The following PDPK1 variants were observed in gnomAD, a reference collection of about 807,000 sequenced individuals.
PDPK1 encodes the protein 3-phosphoinositide-dependent protein kinase 1.
In PDPK1, 7 loss-of-function variants were observed where a neutral mutation model predicts 39.8. The ratio of observed to expected loss-of-function variants is 0.18; its 90% CI spans 0.10 to 0.33. The LOEUF (loss-of-function observed/expected upper bound fraction) is 0.33. Ranked by LOEUF, PDPK1 falls within the 10% of genes least tolerant of loss-of-function variation. The pLI is 1.00. For synonymous variants in PDPK1, 118 were observed against 159.1 expected, an observed-to-expected ratio of 0.74 and a Z score of 1.95; for missense variants, 182 against 384.7, an observed-to-expected ratio of 0.47 and a Z score of 4.41.
chr16:2,595,588 G>A (rs112613996), intron 11 of PDPK1, among the ~76,000 whole-genome samples: 1 of 152,188 alleles, frequency 6.6e-6, no homozygotes. Flanking sequence ...TGCAGGCTCC[G>A]TTGCAAATAC....
Position 2,601,622 on chromosome 16 carries a change from T to C in PDPK1, c.*3855T>C, listed in dbSNP as rs779625508. On this transcript the variant is annotated 3_prime_UTR_variant, in exon 14 of 14. Coordinates refer to ENST00000342085, the MANE Select transcript of PDPK1 (RefSeq NM_002613.5). ...GGTATATTAGGACATTTGGAATCAG[T>C]AGCAGAGCAAAGCCTCTTTGAAAAA... 4.3e-6 allele frequency: 1 copy of C among 233,976 alleles called. No homozygotes were observed. 14.5% of individuals were successfully genotyped at this position (233,976 alleles called of 1,614,324 possible).
chr16:2,592,957 TGG>T (rs2067021398), intron 11 of PDPK1: 1 of 456,554 alleles, frequency 2.2e-6, no homozygotes, highest in African/African-American at 2.0e-5. Flanking sequence ...TGAGCCACTC[TGG>T]GGCTTCAGTG....
intron 11 of PDPK1, among the ~76,000 whole-genome samples, chr16:2,588,187 G>C (rs1240692542): frequency 6.6e-6 from 1 of 152,238 alleles, no homozygotes; most frequent in Non-Finnish European, 1.5e-5. Flanking sequence ...TAGAAAACCT[G>C]TGCAGAGATG....
intron 10 of PDPK1, among the ~76,000 whole-genome samples, chr16:2,586,237 A>T (rs74003036): frequency 0.02 from 3,094 of 152,334 alleles, 115 homozygotes; most frequent in African/African-American, 0.071. Context: ...GACTCCTAAG[A>T]CACCTGGGGC....
chr16:2,598,393 CTG>C lies in PDPK1; in HGVS notation c.*630_*631del, dbSNP rs2067146527. ...TGGTGGCAGCTTTCTGTGGCCCCTG[CTG>C]TGTTGGCAGGCAGGTTTGCGTGGTG... On this transcript the variant is annotated 3_prime_UTR_variant, in exon 14 of 14. Coordinates refer to ENST00000342085, the MANE Select transcript of PDPK1 (RefSeq NM_002613.5). The C allele has an allele frequency of 4.3e-6, 1 of 234,304 alleles. No individual in the cohort carries two copies. The highest frequency in any genetic ancestry group is 8.4e-6 in the Non-Finnish European group (1 of 118,914). 14.5% of individuals were successfully genotyped at this position (234,304 alleles called of 1,614,324 possible). A position where few individuals can be genotyped will look rare whatever the true frequency, so the allele number is the denominator to read the frequency against.
At chr16:2,538,200 G>T in intron 1 of PDPK1, 64 bp downstream of exon 1, 1 of 946,682 alleles carries the variant, frequency 1.1e-6, no homozygotes, top group Non-Finnish European at 1.3e-6. Context: ...GCGGCCGCCC[G>T]GGTCCGGCGA....
intron 11 of PDPK1, chr16:2,592,901 G>T: frequency 2.2e-6 from 1 of 456,642 alleles, no homozygotes; most frequent in South Asian, 1.5e-5. Context: ...GCGCCTGTCC[G>T]TGGGGCCCTT....
chr16:2,588,367 A>G (rs2066919901), intron 11 of PDPK1, among the ~76,000 whole-genome samples: 2 of 152,166 alleles, frequency 1.3e-5, no homozygotes, highest in South Asian at 4.1e-4. Context: ...TGGCTATGCA[A>G]GGAGCTTCCC....
intron 1 of PDPK1, among the ~76,000 whole-genome samples, chr16:2,540,231 T>C (rs12935035): frequency 5.1e-3 from 736 of 145,014 alleles, no homozygotes; most frequent in African/African-American, 6.6e-3. Flanking sequence ...CCCTTGTGTG[T>C]CCGCGTGGAC....
chr16:2,593,023 C>G lies in PDPK1; in HGVS notation c.1344-2770C>G, dbSNP rs1567168918. The G allele has an allele frequency of 2.2e-6, 1 of 455,478 alleles. No homozygotes were observed. Among genetic ancestry groups the G allele is most frequent in the Admixed American group, 2.4e-5 (1 of 42,412 alleles). The allele number at this position is 455,478 out of a possible 1,614,324, so 28.2% of individuals were successfully genotyped here. On this transcript the variant is annotated intron_variant, in intron 11 of 13. Transcript: ENST00000342085. This position sits in a 1 kb window ranked among gnomAD's most constrained non-coding sequence, Gnocchi z 4.2. ...TGCCTCTGGGCTCCTTGCCTGTGGCCTTTTTTTTTCTCAGGATGGATTTCT... is the reference window on the plus strand; with the variant it reads ...TGCCTCTGGGCTCCTTGCCTGTGGCGTTTTTTTTTCTCAGGATGGATTTCT...
intron 1 of PDPK1, chr16:2,538,914 C>T (rs2066190362): frequency 4.0e-6 from 2 of 504,042 alleles, no homozygotes; most frequent in Admixed American, 7.4e-5. Context: ...ATGCTAAGTT[C>T]TACAGTCTGG....
chr16:2,543,628 C>T (rs1339720198), intron 1 of PDPK1, among the ~76,000 whole-genome samples: 2 of 151,518 alleles, frequency 1.3e-5, no homozygotes, highest in Non-Finnish European at 2.9e-5. Context: ...TTCTTGTCTT[C>T]TTCAGGCTTT....
chr16:2,598,364 G>A lies in PDPK1; in HGVS notation c.*597G>A, dbSNP rs908807426. 3.0e-5 allele frequency: 7 copies of A among 234,150 alleles called. No homozygotes were observed. In the East Asian group the frequency reaches 3.6e-4, roughly 12 times the overall value. 14.5% of individuals were successfully genotyped at this position (234,150 alleles called of 1,614,324 possible). On this transcript the variant is annotated 3_prime_UTR_variant, in exon 14 of 14. Coordinates refer to ENST00000342085, the MANE Select transcript of PDPK1 (RefSeq NM_002613.5). Reference sequence around the variant, plus strand: ...GGGCCCATTACATATCCCTGTGGTGGCTCTGGTGGCAGCTTTCTGTGGCCC... The same window carrying A: ...GGGCCCATTACATATCCCTGTGGTGACTCTGGTGGCAGCTTTCTGTGGCCC...
chr16:2,595,718 G>C, intron 11 of PDPK1, 75 bp from the exon 12 acceptor site: 2 of 1,197,446 alleles, frequency 1.7e-6, no homozygotes, highest in Non-Finnish European at 2.5e-6. Flanking sequence ...TGGGGAGTTC[G>C]TGTGGCAGGA....
chr16:2,597,377 G>T lies in PDPK1; in HGVS notation c.1554+102G>T. The stretch of plus-strand genomic sequence containing the variant: ...TTGGCCAGAGGGAGCAGCGGGGATC[G>T]GGGCAGCTGCCTCGCCCTTTCCGAC... On this transcript the variant is annotated intron_variant, in intron 13 of 13. Transcript: ENST00000342085. This position sits in a 1 kb window ranked among gnomAD's most constrained non-coding sequence, Gnocchi z 6.3. The T allele has an allele frequency of 1.1e-5, 12 of 1,084,642 alleles. No individual in the cohort carries two copies. The South Asian group carries it at 1.4e-4, about 12-fold the overall frequency. The allele number at this position is 1,084,642 out of a possible 1,614,324, so 67.2% of individuals were successfully genotyped here. A position where few individuals can be genotyped will look rare whatever the true frequency, so the allele number is the denominator to read the frequency against.
intron 11 of PDPK1, among the ~76,000 whole-genome samples, chr16:2,590,246 A>G (rs1030423928): frequency 2.0e-5 from 3 of 151,900 alleles, no homozygotes; most frequent in Non-Finnish European, 4.4e-5. Context: ...TCAGCCTCCC[A>G]AGTAGCTGGG....
Position 2,603,099 on chromosome 16 carries a change from T to TTC in PDPK1, c.*5332_*5333insTC, listed in dbSNP as rs201698119. ...TGAATCTGTTTATCCTTTTTTTTTT[T>TTC]CCAAATACTTGTGCTTTAGGTGTAG... On this transcript the variant is annotated 3_prime_UTR_variant, in exon 14 of 14. Coordinates refer to ENST00000342085, the MANE Select transcript of PDPK1 (RefSeq NM_002613.5). 1 of 226,444 alleles carries TTC rather than the reference T, an allele frequency of 4.4e-6. No individual in the cohort carries two copies. The highest frequency in any genetic ancestry group is 2.2e-5 in the African/African-American group (1 of 45,048). 14.0% of individuals were successfully genotyped at this position (226,444 alleles called of 1,614,324 possible). A position where few individuals can be genotyped will look rare whatever the true frequency, so the allele number is the denominator to read the frequency against.
At chr16:2,545,443 C>A (rs905902295) in intron 1 of PDPK1, among the ~76,000 whole-genome samples, 1 of 152,130 alleles carries the variant, frequency 6.6e-6, no homozygotes, top group East Asian at 1.9e-4. Flanking sequence ...AAGCCATCCT[C>A]CAGCCTTAGC....
intron 10 of PDPK1, 96 bp from the exon 11 acceptor site, chr16:2,586,580 C>T (rs1433179639): frequency 9.2e-7 from 1 of 1,083,922 alleles, no homozygotes; most frequent in African/African-American, 1.5e-5. Flanking sequence ...TGTGCGAGCT[C>T]CCAAGGCCTG....
Sources: gnomAD v4.1 joint callset for allele counts (sites outside exome capture counted in the v4.1 genomes callset) on GRCh38, gnomAD v4.1.1 for gene constraint, Gnocchi (gnomAD v3.1) non-coding constraint, MANE v1.5 for transcripts, NCBI Gene and HGNC (gene_info 2026-07-23, HGNC 2026-07-21) for gene names.